The following ACER2 variants were observed in gnomAD, a reference collection of about 807,000 sequenced individuals.
ACER2 encodes the protein alkCDase 2.
In ACER2, 26 loss-of-function variants were observed where a neutral mutation model predicts 34.7. That is an observed-to-expected ratio of 0.75 (90% CI 0.55 to 1.04). ACER2 has a LOEUF of 1.04. ACER2 is among the 50% of genes least tolerant of loss of function. The pLI, the probability that ACER2 is intolerant of heterozygous loss-of-function variation, is 0.00. For missense variants in ACER2, 352 were observed against 340.8 expected (o/e 1.03, Z -0.26); for synonymous variants, 138 against 132.1 (o/e 1.04, Z -0.31).
At chr9:19,415,555 A>T (rs1355870752) in intron 1 of ACER2, among the ~76,000 whole-genome samples, 1 of 152,074 alleles carries the variant, frequency 6.6e-6, no homozygotes, top group African/African-American at 2.4e-5. Context: ...ATTAAAAAAA[A>T]GTTTTACATA....
intron 1 of ACER2, among the ~76,000 whole-genome samples, chr9:19,416,745 C>A (rs1830252253): frequency 6.6e-6 from 1 of 151,672 alleles, no homozygotes; most frequent in Non-Finnish European, 1.5e-5. Flanking sequence ...GTTGGCCAGG[C>A]TGGTCTCAAA....
At chr9:19,444,154 T>TAA (rs142554474) in intron 4 of ACER2, among the ~76,000 whole-genome samples, 2 of 95,740 alleles carry the variant, frequency 2.1e-5, no homozygotes, top group Non-Finnish European at 4.1e-5. Context: ...GCTGATGAGC[T>TAA]AAAAAAAAAA....
chr9:19,444,920 C>T (rs550573929), intron 4 of ACER2, among the ~76,000 whole-genome samples: 2 of 152,312 alleles, frequency 1.3e-5, no homozygotes, highest in Non-Finnish European at 2.9e-5. Context: ...TGTTTTTGAA[C>T]AGGTCTTTCT....
intron 3 of ACER2, among the ~76,000 whole-genome samples, chr9:19,428,614 A>G (rs1219433917): frequency 6.6e-6 from 1 of 151,654 alleles, no homozygotes; most frequent in Non-Finnish European, 1.5e-5. Flanking sequence ...AGGCTCTGGG[A>G]CCCTGTTTTG....
intron 2 of ACER2, chr9:19,424,330 T>A: frequency 1.0e-6 from 1 of 971,232 alleles, no homozygotes; most frequent in Non-Finnish European, 1.2e-6. Flanking sequence ...CCCTCATTGT[T>A]TTGTGAAATA....
intron 5 of ACER2, chr9:19,450,121 T>G (rs1167576208): frequency 2.4e-6 from 2 of 847,736 alleles, no homozygotes; most frequent in African/African-American, 3.7e-5. Context: ...ATGTGCTCAG[T>G]TACTTCCATC....
chr9:19,441,260 A>G (rs1197989083), intron 4 of ACER2, among the ~76,000 whole-genome samples: 1 of 152,098 alleles, frequency 6.6e-6, no homozygotes, highest in African/African-American at 2.4e-5. Flanking sequence ...CATGTTAGCC[A>G]GGATGGTCTC....
chr9:19,450,059 A>G (rs16937534), intron 5 of ACER2, among the ~76,000 whole-genome samples: 10,063 of 152,264 alleles, frequency 0.066, 1,125 homozygotes, highest in African/African-American at 0.23. Context: ...CTGATGAAGG[A>G]CATAAAATAT....
At chr9:19,420,830 A>G (rs1305954029) in intron 1 of ACER2, among the ~76,000 whole-genome samples, 1 of 152,196 alleles carries the variant, frequency 6.6e-6, no homozygotes, top group Non-Finnish European at 1.5e-5. Context: ...ACACCCTCAC[A>G]TGGTGGGAAG....
At chr9:19,431,939 T>C (rs1830767300) in intron 3 of ACER2, among the ~76,000 whole-genome samples, 1 of 152,210 alleles carries the variant, frequency 6.6e-6, no homozygotes, top group Non-Finnish European at 1.5e-5. Flanking sequence ...CCAAAGTAAA[T>C]TGTGCTAATG....
At chr9:19,439,410 G>A (rs62563722) in intron 4 of ACER2, among the ~76,000 whole-genome samples, 1 of 150,306 alleles carries the variant, frequency 6.7e-6, no homozygotes, top group African/African-American at 2.5e-5. Context: ...GCAAGATCTC[G>A]GCTCACTGTA....
chr9:19,434,572 A>T (rs889210601), intron 3 of ACER2, among the ~76,000 whole-genome samples: 1 of 152,230 alleles, frequency 6.6e-6, no homozygotes, highest in Non-Finnish European at 1.5e-5. Context: ...GGAGCTGGAG[A>T]CCAGCCTGGC....
At chr9:19,413,406 C>G (rs1363699036) in intron 1 of ACER2, among the ~76,000 whole-genome samples, 2 of 152,114 alleles carry the variant, frequency 1.3e-5, no homozygotes, top group African/African-American at 2.4e-5. Flanking sequence ...TGAGACCAGC[C>G]TGGCCAACAC....
At chr9:19,436,414 A>G (rs372149844) in intron 4 of ACER2, among the ~76,000 whole-genome samples, 22 of 152,360 alleles carry the variant, frequency 1.4e-4, no homozygotes, top group African/African-American at 5.3e-4. Flanking sequence ...AATATTTGAT[A>G]GTACTTGGCT....
intron 1 of ACER2, among the ~76,000 whole-genome samples, chr9:19,423,124 C>A (rs1223432746): frequency 6.6e-6 from 1 of 151,630 alleles, no homozygotes; most frequent in Non-Finnish European, 1.5e-5. Context: ...AGGATCACTT[C>A]AGTCCAGCCT....
At chr9:19,448,531 A>G (rs371218495) in intron 5 of ACER2, among the ~76,000 whole-genome samples, 1 of 152,148 alleles carries the variant, frequency 6.6e-6, no homozygotes, top group South Asian at 2.1e-4. Context: ...TTTATAATGA[A>G]CATCTAGATT....
intron 1 of ACER2, among the ~76,000 whole-genome samples, chr9:19,419,667 G>A (rs561464398): frequency 1.5e-3 from 224 of 152,312 alleles, no homozygotes; most frequent in Middle Eastern, 6.8e-3. Context: ...GGAGGCTGAG[G>A]CAGGAGAATT....
chr9:19,445,868 G>A (rs971252601), intron 4 of ACER2, among the ~76,000 whole-genome samples: 2 of 152,168 alleles, frequency 1.3e-5, no homozygotes, highest in African/African-American at 2.4e-5. Context: ...ATGAGATGGC[G>A]GTAGCATGGA....
rs181241625 is a variant in ACER2, at chr9:19,438,590, A to C, written c.503+3506A>C. Among the ~76,000 whole-genome samples the C allele has an allele frequency of 3.2e-3, 495 of 152,326 alleles. 1 individual carries two copies. Among genetic ancestry groups the C allele is most frequent in the Non-Finnish European group, 5.2e-3 (355 of 68,032 alleles). On this transcript the variant is annotated intron_variant, in intron 4 of 5. Transcript: ENST00000340967. ...TTAAATTGCTGGTGACAACATCTGA[A>C]ATGATTTCCATTTGTAGCATGCAGT...
Sources: gnomAD v4.1 joint callset for allele counts (sites outside exome capture counted in the v4.1 genomes callset) on GRCh38, gnomAD v4.1.1 for gene constraint, MANE v1.5 for transcripts, NCBI Gene and HGNC (gene_info 2026-07-23, HGNC 2026-07-21) for gene names.